The following CDH12 variants were observed in gnomAD, a reference collection of about 807,000 sequenced individuals.
The protein encoded by CDH12 is cadherin-12.
CDH12 carries 41 observed loss-of-function variants against 74.1 expected under a neutral mutation model. The ratio of observed to expected loss-of-function variants is 0.55; its 90% confidence interval spans 0.43 to 0.72. CDH12 has a LOEUF of 0.72. CDH12 is among the 30% of genes least tolerant of loss of function. The probability of loss-of-function intolerance (pLI) is 0.00; values close to 1 mark genes in which losing one functional copy is unlikely to be tolerated. For synonymous variants in CDH12, 399 were observed against 355.0 expected, an observed-to-expected ratio of 1.12 and a Z score of -1.39; for missense variants, 945 against 977.2, an observed-to-expected ratio of 0.97 and a Z score of 0.44.
intron 3 of CDH12, among the ~76,000 whole-genome samples, chr5:22,400,732 T>C (rs1465971587): frequency 2.6e-5 from 4 of 152,188 alleles, no homozygotes; most frequent in African/African-American, 9.6e-5. Context: ...CAGGTATAGC[T>C]TTGCAAAAAA....
At chr5:22,622,351 T>G (rs1738019926) in intron 1 of CDH12, among the ~76,000 whole-genome samples, 1 of 146,456 alleles carries the variant, frequency 6.8e-6, no homozygotes, top group Admixed American at 6.8e-5. Context: ...GCACTGAGAG[T>G]GGAAAAAGGG....
chr5:22,065,908 C>T (rs886991479), intron 5 of CDH12, among the ~76,000 whole-genome samples: 9 of 152,092 alleles, frequency 5.9e-5, no homozygotes, highest in African/African-American at 1.2e-4. Context: ...GGGGGTCATC[C>T]TGTTCCTAGG....
chr5:22,543,663 T>C (rs1262132190), intron 1 of CDH12, among the ~76,000 whole-genome samples: 1 of 152,162 alleles, frequency 6.6e-6, no homozygotes, highest in Non-Finnish European at 1.5e-5. Flanking sequence ...ATCTGGGCTG[T>C]CTTTACACTT....
At chr5:22,852,646 C>A (rs1737607692) in intron 1 of CDH12, among the ~76,000 whole-genome samples, 1 of 152,030 alleles carries the variant, frequency 6.6e-6, no homozygotes, top group African/African-American at 2.4e-5. Context: ...TGAGGGGGGT[C>A]GGCATCTCTG....
intron 1 of CDH12, among the ~76,000 whole-genome samples, chr5:22,507,215 A>G (rs1736425504): frequency 6.6e-6 from 1 of 152,142 alleles, no homozygotes; most frequent in African/African-American, 2.4e-5. Flanking sequence ...GGACTTGAGG[A>G]GATATATACT....
chr5:22,674,740 AG>A (rs1363263039), intron 1 of CDH12, among the ~76,000 whole-genome samples: 1 of 152,182 alleles, frequency 6.6e-6, no homozygotes, highest in Non-Finnish European at 1.5e-5. Context: ...GATGGAGATT[AG>A]GAACTTGTTG....
At chr5:22,405,187 G>A (rs1228319406) in intron 3 of CDH12, 70 bp downstream of exon 3, 1 of 328,080 alleles carries the variant, frequency 3.0e-6, no homozygotes, top group Non-Finnish European at 4.4e-6. Flanking sequence ...TCCAGTCTGG[G>A]TGAAAGAGTG....
intron 1 of CDH12, among the ~76,000 whole-genome samples, chr5:22,521,497 A>G (rs901945796): frequency 1.3e-5 from 2 of 152,160 alleles, no homozygotes; most frequent in South Asian, 4.1e-4. Flanking sequence ...CAGATAAGTA[A>G]AAAACCTAAT....
chr5:21,821,968 G>A (rs868209611), intron 8 of CDH12, among the ~76,000 whole-genome samples: 28 of 151,780 alleles, frequency 1.8e-4, no homozygotes, highest in African/African-American at 6.3e-4. Flanking sequence ...TAAACAACAC[G>A]AAAAGGAAAT....
intron 6 of CDH12, among the ~76,000 whole-genome samples, chr5:21,879,085 A>C (rs371796426): frequency 7.9e-5 from 12 of 152,130 alleles, no homozygotes; most frequent in African/African-American, 2.9e-4. Context: ...ATGCTATCAA[A>C]TTTTTACTTC....
At chr5:21,762,008 C>A (rs1348343139) in intron 12 of CDH12, among the ~76,000 whole-genome samples, 1 of 152,096 alleles carries the variant, frequency 6.6e-6, no homozygotes, top group Non-Finnish European at 1.5e-5. Flanking sequence ...AACATACAGA[C>A]CCTATGAAAC....
intron 4 of CDH12, among the ~76,000 whole-genome samples, chr5:22,136,199 G>T (rs1746450556): frequency 6.6e-6 from 1 of 151,966 alleles, no homozygotes; most frequent in South Asian, 2.1e-4. Flanking sequence ...GGAAGGAGAG[G>T]AGGTAAATGC....
intron 3 of CDH12, among the ~76,000 whole-genome samples, chr5:22,399,896 CA>C (rs1483699016): frequency 1.3e-5 from 2 of 152,020 alleles, no homozygotes; most frequent in Non-Finnish European, 2.9e-5. Flanking sequence ...TGTTTTAACA[CA>C]ACCATTATAA....
chr5:22,625,069 C>A (rs1166799213), intron 1 of CDH12, among the ~76,000 whole-genome samples: 1 of 152,030 alleles, frequency 6.6e-6, no homozygotes, highest in Non-Finnish European at 1.5e-5. Context: ...GACAAAAAAC[C>A]AAACACCACA....
intron 1 of CDH12, among the ~76,000 whole-genome samples, chr5:22,577,750 T>C (rs574659248): frequency 6.6e-6 from 1 of 152,330 alleles, no homozygotes; most frequent in East Asian, 1.9e-4. Context: ...ACTGTTATTA[T>C]CCCAAGTTTT....
At chr5:22,643,543 A>C (rs969852765) in intron 1 of CDH12, among the ~76,000 whole-genome samples, 1 of 152,122 alleles carries the variant, frequency 6.6e-6, no homozygotes, top group Non-Finnish European at 1.5e-5. Context: ...ATTTTTGGCA[A>C]TATCACGCCT....
chr5:22,332,683 G>T (rs2213793), intron 3 of CDH12, among the ~76,000 whole-genome samples: 1 of 152,024 alleles, frequency 6.6e-6, no homozygotes, highest in Non-Finnish European at 1.5e-5. Context: ...CGCAAAAGAA[G>T]ACATTTATGC....
intron 1 of CDH12, among the ~76,000 whole-genome samples, chr5:22,805,436 C>A: frequency 6.6e-6 from 1 of 151,774 alleles, no homozygotes; most frequent in African/African-American, 2.4e-5. Context: ...ATAATTACAT[C>A]TAAAAGAGAG....
chr5:22,544,764 T>C lies in CDH12; in HGVS notation c.-522-39400A>G, dbSNP rs371579304. Among the ~76,000 whole-genome samples, 6 of 151,990 alleles carry C rather than the reference T, an allele frequency of 3.9e-5. No individual in the cohort carries two copies. In the East Asian group the frequency reaches 5.8e-4, roughly 15 times the overall value. ...CCTAGGAAGGACAGATTGCAGTGAA[T>C]TGATATTGCACCACTGTACTCCAGC... On this transcript the variant is annotated intron_variant, in intron 1 of 14. Transcript: ENST00000382254.
Sources: gnomAD v4.1 joint callset for allele counts (sites outside exome capture counted in the v4.1 genomes callset) on GRCh38, gnomAD v4.1.1 for gene constraint, MANE v1.5 for transcripts, NCBI Gene and HGNC (gene_info 2026-07-23, HGNC 2026-07-21) for gene names.